Variants in GRAMD2B observed in about 807,000 individuals in gnomAD.
The protein encoded by GRAMD2B is GRAM domain containing 2B, also known as GRAM domain-containing protein 2B.
GRAMD2B carries 41 observed loss-of-function variants against 59.2 expected under a neutral mutation model. That is an observed-to-expected ratio of 0.69 (90% confidence interval 0.54 to 0.90). GRAMD2B has a LOEUF of 0.90. Among genes scored for constraint, GRAMD2B ranks in the 40% least tolerant of loss-of-function variants. The pLI is 0.00. For synonymous variants in GRAMD2B, 161 were observed against 182.7 expected, an observed-to-expected ratio of 0.88 and a Z score of 0.96; for missense variants, 424 against 500.5, an observed-to-expected ratio of 0.85 and a Z score of 1.46.
In GRAMD2B at chr5:126,439,728, C is replaced by T. The variant is rs112036703; in HGVS notation, c.83+16039C>T. Among the ~76,000 whole-genome samples, 362 of 152,220 alleles carry T rather than the reference C, an allele frequency of 2.4e-3. 2 individuals are homozygous for T. The highest frequency in any genetic ancestry group is 8.2e-3 in the African/African-American group (340 of 41,532). On this transcript the variant is annotated intron_variant, in intron 1 of 13. Coordinates refer to ENST00000285689, the MANE Select transcript of GRAMD2B (RefSeq NM_023927.4). ...AGAAAAATTATAAAAGTCAATGATA[C>T]GGTTTGGCTGAGTCCCCACTCAAAT...
chr5:126,368,227 C>T (rs1033270664), upstream of GRAMD2B, among the ~76,000 whole-genome samples: 18 of 152,002 alleles, frequency 1.2e-4, no homozygotes, highest in African/African-American at 4.3e-4. Flanking sequence ...CTTTGACCAC[C>T]TGGTCTTTGT....
intron 1 of GRAMD2B, among the ~76,000 whole-genome samples, chr5:126,405,160 G>A (rs937885158): frequency 2.6e-4 from 39 of 151,896 alleles, no homozygotes; most frequent in African/African-American, 8.9e-4. Flanking sequence ...AGGAAGAGGA[G>A]TAGAGGAAGA....
upstream of GRAMD2B, among the ~76,000 whole-genome samples, chr5:126,422,257 G>A (rs1759809430): frequency 6.6e-6 from 1 of 150,908 alleles, no homozygotes. Flanking sequence ...GAGTGCAGTG[G>A]TGCATCTTGG....
intron 13 of GRAMD2B, among the ~76,000 whole-genome samples, chr5:126,492,100 C>G (rs922332235): frequency 6.6e-6 from 1 of 152,214 alleles, no homozygotes; most frequent in African/African-American, 2.4e-5. Flanking sequence ...TGTCCAACAT[C>G]GGACCCGTCT....
At chr5:126,378,622 A>G (rs1289801481) in intron 1 of GRAMD2B, among the ~76,000 whole-genome samples, 3 of 152,116 alleles carry the variant, frequency 2.0e-5, no homozygotes, top group African/African-American at 7.2e-5. Context: ...AACTTGATAC[A>G]CACTGTATAC....
chr5:126,476,746 CTGT>C (rs1424667580), intron 5 of GRAMD2B, among the ~76,000 whole-genome samples: 2 of 152,068 alleles, frequency 1.3e-5, no homozygotes, highest in Non-Finnish European at 2.9e-5. Flanking sequence ...TCTATAGTTA[CTGT>C]TGTTGTTATT....
chr5:126,414,059 T>C (rs1009354498), intron 1 of GRAMD2B, among the ~76,000 whole-genome samples: 3 of 151,900 alleles, frequency 2.0e-5, no homozygotes, highest in Non-Finnish European at 4.4e-5. Flanking sequence ...ACAAGGAGAG[T>C]TGTTTACTAA....
intron 1 of GRAMD2B, among the ~76,000 whole-genome samples, chr5:126,409,367 A>G (rs1245755572): frequency 1.3e-5 from 2 of 152,140 alleles, no homozygotes; most frequent in Non-Finnish European, 2.9e-5. Flanking sequence ...CTGACTTTTT[A>G]ATGATTGCCA....
intron 1 of GRAMD2B, chr5:126,465,109 C>T (rs1768058884): frequency 8.4e-7 from 1 of 1,193,460 alleles, no homozygotes; most frequent in African/African-American, 1.6e-5. Flanking sequence ...GCAGGGCGCT[C>T]CCAGCCTCCA....
intron 1 of GRAMD2B, among the ~76,000 whole-genome samples, chr5:126,362,670 C>A (rs1213760622): frequency 2.6e-5 from 4 of 152,064 alleles, no homozygotes; most frequent in Non-Finnish European, 5.9e-5. Context: ...AAAATAGTTA[C>A]CAAGAAATAA....
At chr5:126,469,621 C>G (rs553108655) in intron 2 of GRAMD2B, 56 bp from the exon 3 acceptor site, 2 of 1,178,460 alleles carry the variant, frequency 1.7e-6, no homozygotes, top group African/African-American at 3.1e-5. Context: ...GGCAACAGAG[C>G]AAAACTGTCT....
intron 5 of GRAMD2B, 135 bp from the exon 6 acceptor site, chr5:126,477,557 T>A: frequency 1.5e-6 from 1 of 683,064 alleles, no homozygotes; most frequent in South Asian, 1.7e-5. Context: ...ACTGGCTTTT[T>A]TTCATGGAGG....
chr5:126,417,533 T>C (rs531120914), intron 1 of GRAMD2B, among the ~76,000 whole-genome samples: 1 of 152,320 alleles, frequency 6.6e-6, no homozygotes, highest in South Asian at 2.1e-4. Flanking sequence ...AAACCCGGCC[T>C]TTATCTGAGT....
At chr5:126,396,328 C>T (rs957344279) in intron 1 of GRAMD2B, among the ~76,000 whole-genome samples, 3 of 152,168 alleles carry the variant, frequency 2.0e-5, no homozygotes, top group Non-Finnish European at 4.4e-5. Flanking sequence ...TCCCTACTCC[C>T]ACCTTCCATC....
In GRAMD2B at chr5:126,477,685, GT is replaced by G; in HGVS notation, c.487-4del. ...GAACTGGCATTAACTTGCTGATTCT[GT>G]TTCAGATCTCTATTCCAGCTTTCTC... On this transcript the variant is annotated splice_region_variant and splice_polypyrimidine_tract_variant and intron_variant, in intron 5 of 13. Transcript: ENST00000285689. The G allele has an allele frequency of 6.5e-7, 1 of 1,540,962 alleles. No homozygotes were observed. The highest frequency in any genetic ancestry group is 9.0e-7 in the Non-Finnish European group (1 of 1,113,804).
At chr5:126,360,219 C>T in exon 1 of GRAMD2B, 1 of 1,290,516 alleles carries the variant, frequency 7.7e-7, no homozygotes, top group Non-Finnish European at 1.1e-6. Flanking sequence ...CACTTGTGAG[C>T]GAAAAGCACA....
chr5:126,431,412 C>T (rs1202099954), intron 1 of GRAMD2B, among the ~76,000 whole-genome samples: 1 of 152,188 alleles, frequency 6.6e-6, no homozygotes, highest in Non-Finnish European at 1.5e-5. Flanking sequence ...AGTAAACAAA[C>T]CCATTAGAAT....
At chr5:126,362,644 T>G (rs905029787) in intron 1 of GRAMD2B, among the ~76,000 whole-genome samples, 1 of 152,202 alleles carries the variant, frequency 6.6e-6, no homozygotes. Context: ...TGAATACATT[T>G]CTATGTATAT....
intron 1 of GRAMD2B, among the ~76,000 whole-genome samples, chr5:126,366,182 A>G (rs977106913): frequency 6.6e-6 from 1 of 152,158 alleles, no homozygotes; most frequent in Admixed American, 6.5e-5. Flanking sequence ...TATCATAAAA[A>G]CCGTAGAATA....
Sources: allele counts gnomAD v4.1 joint callset (sites outside exome capture counted in the v4.1 genomes callset), GRCh38; gene constraint gnomAD v4.1.1; transcripts MANE v1.5; gene names NCBI Gene and HGNC (gene_info 2026-07-23, HGNC 2026-07-21).